B3GNT5: variants seen among roughly 807,000 people sequenced by gnomAD.
The protein encoded by B3GNT5 is lactosylceramide 1,3-N-acetyl-beta-D-glucosaminyltransferase.
In B3GNT5, 11 loss-of-function variants were observed where a neutral mutation model predicts 25.9. That is an observed-to-expected ratio of 0.42 (90% confidence interval 0.27 to 0.70). The LOEUF is 0.70. Among genes scored for constraint, B3GNT5 ranks in the 30% least tolerant of loss-of-function variants. The pLI is 0.23. For synonymous variants in B3GNT5, 166 were observed against 158.6 expected (o/e 1.05, Z -0.35); for missense variants, 385 against 458.4 (o/e 0.84, Z 1.46).
chr3:183,260,609 G>A (rs947885424), intron 1 of B3GNT5, among the ~76,000 whole-genome samples: 4 of 151,940 alleles, frequency 2.6e-5, no homozygotes, highest in Non-Finnish European at 5.9e-5. Flanking sequence ...CACCAGTCCC[G>A]TTAATAAAGA....
At chr3:183,257,183 C>T (rs1484909118) in intron 1 of B3GNT5, among the ~76,000 whole-genome samples, 3 of 152,210 alleles carry the variant, frequency 2.0e-5, no homozygotes, top group Admixed American at 6.5e-5. Context: ...AACAAGTTAT[C>T]TCAAATGATC....
chr3:183,272,097 CAG>C lies in B3GNT5; in HGVS notation c.*1165_*1166del, dbSNP rs2108449964. 2 of 939,082 alleles carry C rather than the reference CAG, an allele frequency of 2.1e-6. No individual in the cohort carries two copies. The highest frequency in any genetic ancestry group is 1.2e-4 in the East Asian group (1 of 8,518). The allele number at this position is 939,082 out of a possible 1,614,324, so 58.2% of individuals were successfully genotyped here. On this transcript the variant is annotated 3_prime_UTR_variant, in exon 2 of 2. Coordinates refer to ENST00000326505, the MANE Select transcript of B3GNT5 (RefSeq NM_032047.5). ...TTTCTAAATATTTCAAACTTGAAAA[CAG>C]AGTAAAAAAGTGATAGAAAAGTTGC...
At chr3:183,257,656 C>G (rs144255702) in intron 1 of B3GNT5, among the ~76,000 whole-genome samples, 1 of 152,292 alleles carries the variant, frequency 6.6e-6, no homozygotes, top group African/African-American at 2.4e-5. Flanking sequence ...AACCCTCTAT[C>G]AAGTGTTGCT....
At chr3:183,261,938 T>C (rs2108420104) in intron 1 of B3GNT5, among the ~76,000 whole-genome samples, 1 of 147,518 alleles carries the variant, frequency 6.8e-6, no homozygotes, top group Admixed American at 6.8e-5. Flanking sequence ...ACAACCGTTT[T>C]AGGAGGTTTT....
At position 183,272,532 on chromosome 3, in the gene B3GNT5, A is replaced by G. The variant is rs1726866601; in HGVS notation, c.*1597A>G. On this transcript the variant is annotated 3_prime_UTR_variant, in exon 2 of 2. Transcript: ENST00000326505. Reference sequence around the variant, plus strand: ...TTTACAGAAATTTTAATTTTTTTCTATTTTGAAATTTGAGGCTTGTTTACA... The same window carrying G: ...TTTACAGAAATTTTAATTTTTTTCTGTTTTGAAATTTGAGGCTTGTTTACA... 2.0e-6 allele frequency: 2 copies of G among 993,856 alleles called. No homozygotes were observed. Among genetic ancestry groups the G allele is most frequent in the Non-Finnish European group, 2.4e-6 (2 of 824,576 alleles). The allele number at this position is 993,856 out of a possible 1,614,324, so 61.6% of individuals were successfully genotyped here. A position where few individuals can be genotyped will look rare whatever the true frequency, so the allele number is the denominator to read the frequency against.
At chr3:183,265,654 C>G (rs1191679504) in intron 1 of B3GNT5, 1 of 152,228 alleles carries the variant, frequency 6.6e-6, no homozygotes, top group Non-Finnish European at 1.5e-5. Context: ...CTCCTAGTGA[C>G]TATGTTCAAT....
chr3:183,270,814 C>T lies in B3GNT5; in HGVS notation c.1016C>T (p.Pro339Leu). ...GACCTTTGGAAGAATGCTACAGATC[C>T]TAAAGTAAAAACCATTTCCAAAGGT... ...LQDLWKNATD[P>L]KVKTISKGFF... Residue 339 changes from proline to leucine, a missense_variant, in exon 2 of 2, where the codon CCT becomes CTT. Transcript: ENST00000326505. This position sits in a 1 kb window ranked among gnomAD's most constrained non-coding sequence, Gnocchi z 4.5. 1 of 1,613,874 alleles carries T rather than the reference C, an allele frequency of 6.2e-7. No individual in the cohort carries two copies. The highest frequency in any genetic ancestry group is 8.5e-7 in the Non-Finnish European group (1 of 1,179,964).
At chr3:183,259,020 G>A (rs953897005) in intron 1 of B3GNT5, among the ~76,000 whole-genome samples, 7 of 152,160 alleles carry the variant, frequency 4.6e-5, no homozygotes, top group Admixed American at 6.5e-5. Context: ...GTACAGACAC[G>A]ACCATAAATT....
At chr3:183,258,320 T>G (rs1010592389) in intron 1 of B3GNT5, 1 of 152,816 alleles carries the variant, frequency 6.5e-6, no homozygotes, top group African/African-American at 2.4e-5. Context: ...TCCCTTCTCC[T>G]TTTCTTTCTC....
At chr3:183,261,961 T>TAA (rs59219335) in intron 1 of B3GNT5, among the ~76,000 whole-genome samples, 123 of 112,114 alleles carry the variant, frequency 1.1e-3, no homozygotes, top group Non-Finnish European at 1.7e-3. Context: ...TGTCCAGCAT[T>TAA]AAAAAAAAAA....
At chr3:183,256,571 A>G (rs1725063292) in intron 1 of B3GNT5, among the ~76,000 whole-genome samples, 1 of 152,228 alleles carries the variant, frequency 6.6e-6, no homozygotes, top group Non-Finnish European at 1.5e-5. Flanking sequence ...TTCTCTACAA[A>G]AGAGAATGTT....
At chr3:183,255,512 G>A (rs143475846) in intron 1 of B3GNT5, among the ~76,000 whole-genome samples, 20 of 152,290 alleles carry the variant, frequency 1.3e-4, no homozygotes, top group African/African-American at 4.8e-4. Flanking sequence ...CTCTGAGGAG[G>A]AGGCTGACTC....
chr3:183,272,996 T>C lies in B3GNT5; in HGVS notation c.*2061T>C. 1 of 1,474,484 alleles carries C rather than the reference T, an allele frequency of 6.8e-7. No individual in the cohort carries two copies. Among genetic ancestry groups the C allele is most frequent in the Non-Finnish European group, 9.0e-7 (1 of 1,117,010 alleles). The allele number at this position is 1,474,484 out of a possible 1,614,324, so 91.3% of individuals were successfully genotyped here. ...TTCAAGGAAATATGAAGGCACTTCCTTTTTTTCTAAGAAGGAAGTTGCTAG... is the reference window on the plus strand; with the variant it reads ...TTCAAGGAAATATGAAGGCACTTCCCTTTTTTCTAAGAAGGAAGTTGCTAG... On this transcript the variant is annotated 3_prime_UTR_variant, in exon 2 of 2. Coordinates refer to ENST00000326505, the MANE Select transcript of B3GNT5 (RefSeq NM_032047.5).
chr3:183,262,016 ATATT>A (rs1361811372), intron 1 of B3GNT5, among the ~76,000 whole-genome samples: 2 of 147,468 alleles, frequency 1.4e-5, no homozygotes, highest in Non-Finnish European at 3.0e-5. Flanking sequence ...ATATATATGA[ATATT>A]TATTAATAAA....
At chr3:183,266,983 C>G (rs976707410) in intron 1 of B3GNT5, among the ~76,000 whole-genome samples, 2 of 152,080 alleles carry the variant, frequency 1.3e-5, no homozygotes, top group African/African-American at 2.4e-5. Context: ...GATGGGGTTT[C>G]ACCATGTTGC....
rs1726940228 is a variant in B3GNT5 at position 183,273,239 on chromosome 3, TTTGG to T, written c.*2311_*2314del. The T allele has an allele frequency of 5.3e-6, 2 of 376,498 alleles. No individual in the cohort carries two copies. Among genetic ancestry groups the T allele is most frequent in the South Asian group, 1.4e-4 (1 of 7,134 alleles). The allele number at this position is 376,498 out of a possible 1,614,324, so 23.3% of individuals were successfully genotyped here. On this transcript the variant is annotated 3_prime_UTR_variant, in exon 2 of 2. Coordinates refer to ENST00000326505, the MANE Select transcript of B3GNT5 (RefSeq NM_032047.5). ...TGTTATTGTTAAAATTTTTTTACCT[TTTGG>T]TTGGTTTGCATCTTTTTTCCATATT... is the stretch of plus-strand genomic sequence containing the variant.
At chr3:183,254,387 A>C (rs1369465471) in intron 1 of B3GNT5, among the ~76,000 whole-genome samples, 1 of 151,808 alleles carries the variant, frequency 6.6e-6, no homozygotes, top group African/African-American at 2.4e-5. Flanking sequence ...CCGCCCTCTG[A>C]AAGCGCGGCG....
intron 1 of B3GNT5, among the ~76,000 whole-genome samples, chr3:183,258,907 C>T (rs1055104423): frequency 2.0e-5 from 3 of 152,100 alleles, no homozygotes; most frequent in Admixed American, 1.3e-4. Flanking sequence ...TTTAAATCAT[C>T]TCTAGATTAC....
At position 183,267,898 on chromosome 3, in the gene B3GNT5, G is replaced by C. The variant is rs1726315959; in HGVS notation, c.-301-1600G>C. 6.6e-6 allele frequency among the ~76,000 whole-genome samples: 1 copy of C among 152,166 alleles called. No individual in the cohort carries two copies. The highest frequency in any genetic ancestry group is 2.4e-5 in the African/African-American group (1 of 41,438). ...AAACAGTGGCTCCACCCCCGGCATGGTTCTTTGCACCAACATTTGGGGAAT... is the reference window on the plus strand; with the variant it reads ...AAACAGTGGCTCCACCCCCGGCATGCTTCTTTGCACCAACATTTGGGGAAT... On this transcript the variant is annotated intron_variant, in intron 1 of 1. Coordinates refer to ENST00000326505, the MANE Select transcript of B3GNT5 (RefSeq NM_032047.5). This position sits in a 1 kb window ranked among gnomAD's most constrained non-coding sequence, Gnocchi z 5.5.
Sources: gnomAD v4.1 joint callset for allele counts (sites outside exome capture counted in the v4.1 genomes callset) on GRCh38, gnomAD v4.1.1 for gene constraint, Gnocchi (gnomAD v3.1) non-coding constraint, MANE v1.5 for transcripts, NCBI Gene and HGNC (gene_info 2026-07-23, HGNC 2026-07-21) for gene names.